Variants in ITPR2 observed in about 807,000 individuals in gnomAD.
ITPR2 encodes inositol 1,4,5-trisphosphate receptor type 2.
Under a neutral mutation model 317.1 loss-of-function variants are expected in ITPR2, and 207 were observed. The observed-to-expected ratio is 0.65, with a 90% CI of 0.58 to 0.73. ITPR2 has a LOEUF of 0.73. ITPR2 is among the 30% of genes least tolerant of loss of function. The pLI is 0.00. For missense variants in ITPR2, 2,613 were observed against 3,284.0 expected (o/e 0.80, Z 4.99); for synonymous variants, 1,156 against 1,149.1 (o/e 1.01, Z -0.12).
chr12:26,456,763 C>A (rs1477374623), intron 45 of ITPR2, among the ~76,000 whole-genome samples: 1 of 152,160 alleles, frequency 6.6e-6, no homozygotes, highest in East Asian at 1.9e-4. Flanking sequence ...ACCTCCACCA[C>A]CCGGGTTCAA....
At chr12:26,389,088 A>C (rs1591982974) in intron 54 of ITPR2, among the ~76,000 whole-genome samples, 2 of 152,268 alleles carry the variant, frequency 1.3e-5, no homozygotes, top group South Asian at 4.2e-4. Context: ...GGTCTGGGCC[A>C]TTGTCATCCC....
At chr12:26,770,276 T>C (rs1445815342) in intron 2 of ITPR2, among the ~76,000 whole-genome samples, 1 of 152,180 alleles carries the variant, frequency 6.6e-6, no homozygotes, top group African/African-American at 2.4e-5. Flanking sequence ...AACTGTAGAC[T>C]GGGGAGGCTT....
At chr12:26,428,395 T>A (rs759428673) in intron 48 of ITPR2, among the ~76,000 whole-genome samples, 2 of 152,208 alleles carry the variant, frequency 1.3e-5, no homozygotes, top group Non-Finnish European at 2.9e-5. Flanking sequence ...ATACTTTTGA[T>A]AGACATCTCT....
chr12:26,555,427 G>A (rs183543973), intron 36 of ITPR2, among the ~76,000 whole-genome samples: 96 of 152,228 alleles, frequency 6.3e-4, no homozygotes, highest in African/African-American at 2.3e-3. Context: ...CCCTCTTTCT[G>A]ACTGGCCATC....
intron 32 of ITPR2, among the ~76,000 whole-genome samples, chr12:26,594,213 T>C (rs965451271): frequency 1.3e-5 from 2 of 152,082 alleles, no homozygotes; most frequent in Admixed American, 1.3e-4. Context: ...TGTATGGAAA[T>C]GAAGTAAAAC....
At chr12:26,677,070 A>G (rs1947923772) in intron 13 of ITPR2, among the ~76,000 whole-genome samples, 1 of 149,294 alleles carries the variant, frequency 6.7e-6, no homozygotes, top group Non-Finnish European at 1.5e-5. Flanking sequence ...TATGGTCAAA[A>G]TGTACGATAA....
chr12:26,474,793 CAAAAAAAAA>C (rs10616680), intron 45 of ITPR2, among the ~76,000 whole-genome samples: 4 of 84,080 alleles, frequency 4.8e-5, no homozygotes, highest in Non-Finnish European at 8.6e-5. Context: ...GACTCCGTCT[CAAAAAAAAA>C]AAAAAAAAAA....
intron 48 of ITPR2, among the ~76,000 whole-genome samples, chr12:26,434,485 A>G (rs539649131): frequency 5.9e-5 from 9 of 152,308 alleles, no homozygotes; most frequent in South Asian, 2.1e-4. Flanking sequence ...GGCATTTCCC[A>G]TCACTACATT....
chr12:26,519,559 A>C (rs951685448), intron 37 of ITPR2, among the ~76,000 whole-genome samples: 1 of 152,222 alleles, frequency 6.6e-6, no homozygotes, highest in Non-Finnish European at 1.5e-5. Context: ...AGCCAGTATC[A>C]TGCTTACTGA....
At chr12:26,551,477 T>G (rs1192300852) in intron 36 of ITPR2, among the ~76,000 whole-genome samples, 1 of 152,228 alleles carries the variant, frequency 6.6e-6, no homozygotes, top group African/African-American at 2.4e-5. Flanking sequence ...AGAACGACTC[T>G]GTGGTGACAG....
intron 1 of ITPR2, among the ~76,000 whole-genome samples, chr12:26,810,826 G>C (rs957982015): frequency 1.3e-5 from 2 of 151,878 alleles, no homozygotes; most frequent in African/African-American, 4.8e-5. Flanking sequence ...TTTTTGTTTG[G>C]TTTCATTTAT....
chr12:26,759,078 C>A (rs903108313), intron 2 of ITPR2, among the ~76,000 whole-genome samples: 2 of 152,072 alleles, frequency 1.3e-5, no homozygotes, highest in African/African-American at 4.8e-5. Context: ...GTACCTAACA[C>A]ATAAAAAGTG....
intron 31 of ITPR2, 22 bp downstream of exon 31, chr12:26,596,861 G>C (rs1448236279): frequency 6.6e-7 from 1 of 1,514,162 alleles, no homozygotes; most frequent in African/African-American, 1.4e-5. Flanking sequence ...TATTAGAGCT[G>C]CTAAGCTTTT....
At chr12:26,670,371 A>G (rs1947737570) in intron 13 of ITPR2, among the ~76,000 whole-genome samples, 1 of 152,178 alleles carries the variant, frequency 6.6e-6, no homozygotes, top group Middle Eastern at 3.2e-3. Flanking sequence ...GAACGATCAG[A>G]CAGCAGCACT....
intron 45 of ITPR2, among the ~76,000 whole-genome samples, chr12:26,446,761 G>A (rs1941618593): frequency 6.9e-6 from 1 of 145,492 alleles, no homozygotes; most frequent in Non-Finnish European, 1.5e-5. Context: ...ACCCACCTAG[G>A]CCTCCCTTCA....
At chr12:26,514,826 T>A (rs1943444747) in intron 37 of ITPR2, among the ~76,000 whole-genome samples, 1 of 152,246 alleles carries the variant, frequency 6.6e-6, no homozygotes, top group South Asian at 2.1e-4. Flanking sequence ...TATAAAATAG[T>A]TCCTATTTTA....
intron 32 of ITPR2, among the ~76,000 whole-genome samples, chr12:26,593,473 A>G (rs1166365817): frequency 6.6e-6 from 1 of 152,220 alleles, no homozygotes; most frequent in Admixed American, 6.5e-5. Context: ...CCCAGATATG[A>G]AAAAGTCAGG....
intron 45 of ITPR2, among the ~76,000 whole-genome samples, chr12:26,465,656 G>C (rs924272004): frequency 2.6e-5 from 4 of 152,076 alleles, no homozygotes; most frequent in African/African-American, 9.6e-5. Context: ...ACTTTCCTAA[G>C]CACACTCCTA....
intron 39 of ITPR2, among the ~76,000 whole-genome samples, chr12:26,492,564 T>A (rs930407975): frequency 6.6e-6 from 1 of 152,200 alleles, no homozygotes; most frequent in Non-Finnish European, 1.5e-5. Context: ...TTGACAGAAC[T>A]TCCTGGTTTA....
Sources: gnomAD v4.1 joint callset for allele counts (sites outside exome capture counted in the v4.1 genomes callset) on GRCh38, gnomAD v4.1.1 for gene constraint, MANE v1.5 for transcripts, NCBI Gene and HGNC (gene_info 2026-07-23, HGNC 2026-07-21) for gene names.